The following TUFT1 variants were observed in gnomAD, a reference collection of about 807,000 sequenced individuals.
TUFT1 encodes tuftelin 1, also known as tuftelin.
A neutral mutation model predicts 57.8 loss-of-function variants in TUFT1; 43 were observed. That is an observed-to-expected ratio of 0.74 (90% CI 0.58 to 0.96). The LOEUF is 0.96. TUFT1 is among the 40% of genes least tolerant of loss of function. The pLI is 0.00. For missense variants in TUFT1, 459 were observed against 489.0 expected, an observed-to-expected ratio of 0.94 and a Z score of 0.58; for synonymous variants, 166 against 176.7, an observed-to-expected ratio of 0.94 and a Z score of 0.48.
At chr1:151,579,598 G>C (rs766087803) in intron 10 of TUFT1, 51 bp from the exon 11 acceptor site, 2 of 1,588,338 alleles carry the variant, frequency 1.3e-6, no homozygotes, top group Admixed American at 3.4e-5. Flanking sequence ...TCTGGTGAGT[G>C]TGTAATGAGT....
intron 1 of TUFT1, among the ~76,000 whole-genome samples, chr1:151,549,833 C>T (rs116192488): frequency 7.2e-5 from 11 of 152,296 alleles, no homozygotes; most frequent in African/African-American, 2.6e-4. Flanking sequence ...TTGATCCTCT[C>T]ACCTCAGCTT....
chr1:151,562,543 CAT>C, intron 2 of TUFT1, 40 bp from the exon 3 acceptor site: 32 of 1,245,440 alleles, frequency 2.6e-5, no homozygotes, highest in Non-Finnish European at 3.6e-5. Context: ...GTGTCTGAGC[CAT>C]CTCTCTCTCT....
At position 151,581,784 on chromosome 1, in the gene TUFT1, C is replaced by T; in HGVS notation, c.*77C>T. 6.8e-7 allele frequency: 1 copy of T among 1,465,316 alleles called. No individual in the cohort carries two copies. The allele number at this position is 1,465,316 out of a possible 1,614,324, so 90.8% of individuals were successfully genotyped here. On this transcript the variant is annotated 3_prime_UTR_variant, in exon 13 of 13. Coordinates refer to ENST00000368849, the MANE Select transcript of TUFT1 (RefSeq NM_020127.3). Reference sequence around the variant, plus strand: ...CCACTGCCCCTGTTGGCTGTTAACACTGCCTTTGACTTCCTGACTGTCCCC... The same window carrying T: ...CCACTGCCCCTGTTGGCTGTTAACATTGCCTTTGACTTCCTGACTGTCCCC...
chr1:151,547,139 C>A (rs1053313523), intron 1 of TUFT1, among the ~76,000 whole-genome samples: 9 of 152,166 alleles, frequency 5.9e-5, no homozygotes, highest in African/African-American at 2.2e-4. Context: ...CCCATCTCTC[C>A]CATTTATTGC....
intron 1 of TUFT1, among the ~76,000 whole-genome samples, chr1:151,553,674 T>C (rs1665582219): frequency 6.6e-6 from 1 of 152,190 alleles, no homozygotes; most frequent in African/African-American, 2.4e-5. Flanking sequence ...GTAGAGTAAC[T>C]AGTGGTGGAA....
At chr1:151,574,143 C>A in intron 7 of TUFT1, 127 bp from the exon 8 acceptor site, 1 of 1,128,274 alleles carries the variant, frequency 8.9e-7, no homozygotes, top group Non-Finnish European at 1.3e-6. Flanking sequence ...GTGAGCCCAT[C>A]AGTGTCACCA....
Position 151,579,730 on chromosome 1 carries a change from G to C in TUFT1, c.1006G>C (p.Glu336Gln). The C allele has an allele frequency of 6.2e-7, 1 of 1,613,522 alleles. No homozygotes were observed. The highest frequency in any genetic ancestry group is 8.5e-7 in the Non-Finnish European group (1 of 1,179,748). ...GGAGAAAATCGCCTATCTGGAGGCAGAGGTGTGTGTGCTGGGCAGCCCAGC... is the reference window on the plus strand; with the variant it reads ...GGAGAAAATCGCCTATCTGGAGGCACAGGTGTGTGTGCTGGGCAGCCCAGC... ...LKEKIAYLEA[E>Q]NLEMHDRMEH... The change falls in exon 11 of 13, where the codon GAG becomes CAG. Residue 336 changes from glutamate to glutamine, a missense_variant and splice_region_variant. Transcript: ENST00000368849.
intron 1 of TUFT1, chr1:151,557,850 C>T (rs1252707738): frequency 8.1e-6 from 6 of 741,838 alleles, no homozygotes; most frequent in East Asian, 2.5e-5. Flanking sequence ...CGCCTGGTGC[C>T]GACAGCAAAG....
At position 151,563,937 on chromosome 1, in the gene TUFT1, A is replaced by G; in HGVS notation, c.271A>G (p.Ile91Val). The G allele has an allele frequency of 6.2e-7, 1 of 1,614,154 alleles. No individual in the cohort carries two copies. Among genetic ancestry groups the G allele is most frequent in the Non-Finnish European group, 8.5e-7 (1 of 1,180,030 alleles). Residue 91 changes from isoleucine (I) to valine (V), a missense_variant, in exon 4 of 13, where the codon ATT becomes GTT. Ile to Val is a conservative substitution (Grantham distance 29). Transcript: ENST00000368849. Reference protein sequence around the residue: ...YLKGRSGDKMIHEKNINQLKS... With the variant: ...YLKGRSGDKMVHEKNINQLKS... ...GAAGGGGAGGTCTGGAGACAAGATG[A>G]TTCACGAGAAGAATATTAACCAGCT...
chr1:151,563,323 CT>C (rs1166323143), intron 3 of TUFT1, among the ~76,000 whole-genome samples: 1 of 152,126 alleles, frequency 6.6e-6, no homozygotes, highest in Non-Finnish European at 1.5e-5. Context: ...CATAACAAAA[CT>C]GCATAACAAC....
At chr1:151,577,289 T>G (rs1666501709) in intron 9 of TUFT1, among the ~76,000 whole-genome samples, 1 of 152,124 alleles carries the variant, frequency 6.6e-6, no homozygotes, top group Admixed American at 6.5e-5. Context: ...CTAGCTCCTA[T>G]CCCCTGTCCC....
At chr1:151,559,362 G>T (rs1665810753) in intron 1 of TUFT1, among the ~76,000 whole-genome samples, 1 of 152,220 alleles carries the variant, frequency 6.6e-6, no homozygotes, top group Non-Finnish European at 1.5e-5. Context: ...GGAGCTCAAG[G>T]AGGGGAAGAT....
At chr1:151,578,226 T>C (rs1379143248) in intron 9 of TUFT1, among the ~76,000 whole-genome samples, 1 of 152,182 alleles carries the variant, frequency 6.6e-6, no homozygotes, top group East Asian at 1.9e-4. Context: ...TCCAGAGTTA[T>C]CCAGAATGAC....
intron 6 of TUFT1, among the ~76,000 whole-genome samples, chr1:151,567,426 G>T (rs1666119685): frequency 6.6e-6 from 1 of 152,026 alleles, no homozygotes; most frequent in Admixed American, 6.6e-5. Context: ...TAAAGACAGG[G>T]TCTCATCATG....
rs869244649 is a variant in TUFT1 at position 151,552,707 on chromosome 1, CAA to C, written c.61-9359_61-9358del. ...CGACAGAGCGAGAGGGACTCTGTCT[CAA>C]AAAAAAAAAAAAAAAAAAAAAAAAG... On this transcript the variant is annotated intron_variant, in intron 1 of 12. Coordinates refer to ENST00000368849, the MANE Select transcript of TUFT1 (RefSeq NM_020127.3). 6.8e-3 allele frequency among the ~76,000 whole-genome samples: 361 copies of C among 53,392 alleles called. 1 individual carries two copies. Among genetic ancestry groups the C allele is most frequent in the African/African-American group, 0.026 (296 of 11,430 alleles). The allele number at this position is 53,392 out of a possible 152,430, so 35.0% of individuals were successfully genotyped here.
rs1023189335 is a variant in TUFT1 at position 151,564,483 on chromosome 1, T to C, written c.325-42T>C. ...AGTTGGGTGAGTTGGCATGCTCTCTTTCTCTACCCTAAAGCTCAAGTTTCT... is the reference window on the plus strand; with the variant it reads ...AGTTGGGTGAGTTGGCATGCTCTCTCTCTCTACCCTAAAGCTCAAGTTTCT... On this transcript the variant is annotated intron_variant, in intron 4 of 12. Coordinates refer to ENST00000368849, the MANE Select transcript of TUFT1 (RefSeq NM_020127.3). 2.0e-6 allele frequency: 3 copies of C among 1,519,630 alleles called. No homozygotes were observed. In the African/African-American group the frequency reaches 4.1e-5, roughly 21 times the overall value. 94.1% of individuals were successfully genotyped at this position (1,519,630 alleles called of 1,614,324 possible). A position where few individuals can be genotyped will look rare whatever the true frequency, so the allele number is the denominator to read the frequency against.
rs775389852 is a variant in TUFT1, at chr1:151,574,880, C to T, written c.724-31C>T. On this transcript the variant is annotated intron_variant, in intron 8 of 12. Coordinates refer to ENST00000368849, the MANE Select transcript of TUFT1 (RefSeq NM_020127.3). ...AACGCAGAAACTGTTGCCATCTTCT[C>T]ATCCTAGATTTTCTTTTGTGGCCCA... The T allele has an allele frequency of 2.9e-5, 45 of 1,539,156 alleles. No homozygotes were observed. In the South Asian group the frequency reaches 5.4e-4, roughly 18 times the overall value.
At chr1:151,569,889 C>A in intron 7 of TUFT1, 119 bp downstream of exon 7, 2 of 833,756 alleles carry the variant, frequency 2.4e-6, no homozygotes, top group Non-Finnish European at 4.0e-6. Context: ...ACTGGAAAGG[C>A]AAGGCTGTGA....
At chr1:151,562,724 C>T (rs765908534) in intron 3 of TUFT1, 38 bp downstream of exon 3, 2 of 1,544,598 alleles carry the variant, frequency 1.3e-6, no homozygotes, top group East Asian at 2.2e-5. Flanking sequence ...TCCCTGTCCT[C>T]TTCCTCCCTG....
Sources: allele counts gnomAD v4.1 joint callset (sites outside exome capture counted in the v4.1 genomes callset), GRCh38; gene constraint gnomAD v4.1.1; transcripts MANE v1.5; gene names NCBI Gene and HGNC (gene_info 2026-07-23, HGNC 2026-07-21).